SUCLG2: variants seen among roughly 807,000 people sequenced by gnomAD.
SUCLG2 encodes succinate--CoA ligase [GDP-forming] subunit beta, mitochondrial.
In SUCLG2, 42 loss-of-function variants were observed where a neutral mutation model predicts 47.9. The observed-to-expected ratio is 0.88, with a 90% CI of 0.69 to 1.14. SUCLG2 has a LOEUF of 1.14. Among genes scored for constraint, SUCLG2 ranks in the 50% most tolerant of loss-of-function variants. The pLI is 0.00. For synonymous variants in SUCLG2, 195 were observed against 197.3 expected (o/e 0.99, Z 0.10); for missense variants, 571 against 525.9 (o/e 1.09, Z -0.84).
At position 67,374,865 on chromosome 3, in the gene SUCLG2, T is replaced by C. The variant is rs1702005375; in HGVS notation, c.*879A>G. 1 of 985,260 alleles carries C rather than the reference T, an allele frequency of 1.0e-6. No individual in the cohort carries two copies. The highest frequency in any genetic ancestry group is 1.7e-5 in the African/African-American group (1 of 57,222). The allele number at this position is 985,260 out of a possible 1,614,324, so 61.0% of individuals were successfully genotyped here. Reference sequence around the variant, plus strand: ...CACATTCAAATAAGGTTCCCATCTTTCTACCATAAACTGGTAGATTCTGGG... The same window carrying C: ...CACATTCAAATAAGGTTCCCATCTTCCTACCATAAACTGGTAGATTCTGGG... On this transcript the variant is annotated 3_prime_UTR_variant, in exon 11 of 11. Coordinates refer to ENST00000307227, the MANE Select transcript of SUCLG2 (RefSeq NM_003848.4).
At chr3:67,374,179 T>C (rs748790075), downstream of SUCLG2, among the ~76,000 whole-genome samples, 14 of 152,186 alleles carry the variant, frequency 9.2e-5, 1 homozygote, top group Non-Finnish European at 1.6e-4. Context: ...TAAGAAGACA[T>C]TGTTAATATT....
At chr3:67,586,822 T>C (rs553040550) in intron 2 of SUCLG2, among the ~76,000 whole-genome samples, 60 of 152,166 alleles carry the variant, frequency 3.9e-4, no homozygotes, top group Non-Finnish European at 7.1e-4. Flanking sequence ...CAAGTAGTAA[T>C]TGACATGAAA....
chr3:67,475,098 CA>C (rs1351285211), intron 9 of SUCLG2, among the ~76,000 whole-genome samples: 17 of 151,948 alleles, frequency 1.1e-4, no homozygotes, highest in Admixed American at 1.1e-3. Flanking sequence ...ATTAGTGTCA[CA>C]TAAGTGAATG....
intron 1 of SUCLG2, among the ~76,000 whole-genome samples, chr3:67,624,921 C>T (rs1047119946): frequency 1.3e-5 from 2 of 152,184 alleles, no homozygotes; most frequent in Non-Finnish European, 2.9e-5. Context: ...ACAAAGACCT[C>T]AGAAAAGTAC....
intron 9 of SUCLG2, among the ~76,000 whole-genome samples, chr3:67,425,099 T>C: frequency 6.6e-6 from 1 of 152,188 alleles, no homozygotes; most frequent in East Asian, 1.9e-4. Context: ...TTAAATTCAA[T>C]GTCATATAAG....
intron 1 of SUCLG2, among the ~76,000 whole-genome samples, chr3:67,629,286 A>C (rs898131778): frequency 6.6e-6 from 1 of 152,228 alleles, no homozygotes; most frequent in Admixed American, 6.5e-5. Context: ...CCACAGGTTA[A>C]GGGCTCAGTC....
chr3:67,593,701 C>T (rs1030821849), intron 2 of SUCLG2, among the ~76,000 whole-genome samples: 1 of 152,196 alleles, frequency 6.6e-6, no homozygotes, highest in African/African-American at 2.4e-5. Context: ...TTGCCTTAGG[C>T]TTTCTCAGCT....
chr3:67,577,675 T>C (rs1310346852), intron 2 of SUCLG2, among the ~76,000 whole-genome samples: 1 of 152,176 alleles, frequency 6.6e-6, no homozygotes, highest in Non-Finnish European at 1.5e-5. Flanking sequence ...AGCCTCTGTC[T>C]TCCCTGGATC....
At chr3:67,366,363 A>C (rs1324597743) in intron 10 of SUCLG2, among the ~76,000 whole-genome samples, 2 of 152,214 alleles carry the variant, frequency 1.3e-5, no homozygotes, top group East Asian at 3.9e-4. Context: ...AACAAAACAA[A>C]AAAACCCCAG....
At chr3:67,626,059 G>A (rs1302213953) in intron 1 of SUCLG2, among the ~76,000 whole-genome samples, 6 of 149,834 alleles carry the variant, frequency 4.0e-5, no homozygotes, top group Admixed American at 1.3e-4. Context: ...TCGCTCTGTC[G>A]CCCAGGCTGG....
chr3:67,522,918 C>T (rs1333371393), intron 4 of SUCLG2, among the ~76,000 whole-genome samples: 1 of 151,776 alleles, frequency 6.6e-6, no homozygotes, highest in Non-Finnish European at 1.5e-5. Context: ...CCCGCCTCGG[C>T]CTCCCAAAGT....
Position 67,483,000 on chromosome 3 carries a change from G to T in SUCLG2, c.1062+12798C>A, listed in dbSNP as rs188103536. 1.9e-3 allele frequency among the ~76,000 whole-genome samples: 284 copies of T among 152,244 alleles called. 1 individual carries two copies. Among genetic ancestry groups the T allele is most frequent in the African/African-American group, 6.2e-3 (259 of 41,560 alleles). ...AATGAAAAAACCCACAGATAAGCTG[G>T]AAGAAAAATAATTAACTCGGATTTG... On this transcript the variant is annotated intron_variant, in intron 9 of 10. Coordinates refer to ENST00000307227, the MANE Select transcript of SUCLG2 (RefSeq NM_003848.4).
intron 10 of SUCLG2, among the ~76,000 whole-genome samples, chr3:67,389,238 G>A (rs776135446): frequency 7.9e-5 from 12 of 152,152 alleles, no homozygotes; most frequent in Non-Finnish European, 1.6e-4. Context: ...CCAGAAGAAT[G>A]ATGGCATAGT....
intron 2 of SUCLG2, among the ~76,000 whole-genome samples, chr3:67,593,044 G>T (rs983321688): frequency 6.6e-6 from 1 of 152,168 alleles, no homozygotes; most frequent in African/African-American, 2.4e-5. Context: ...CCATTCTTCT[G>T]ATACAATTTG....
chr3:67,428,140 C>T (rs1410007148), intron 9 of SUCLG2, among the ~76,000 whole-genome samples: 1 of 152,210 alleles, frequency 6.6e-6, no homozygotes, highest in Non-Finnish European at 1.5e-5. Flanking sequence ...GGACAGACTG[C>T]CTCCTCAAGT....
chr3:67,637,987 G>A (rs1287867883), intron 1 of SUCLG2, among the ~76,000 whole-genome samples: 1 of 152,148 alleles, frequency 6.6e-6, no homozygotes, highest in African/African-American at 2.4e-5. Context: ...TAGGTCCTAG[G>A]AAGTGCTGTT....
intron 1 of SUCLG2, among the ~76,000 whole-genome samples, chr3:67,623,991 T>C (rs1235077601): frequency 6.6e-6 from 1 of 152,190 alleles, no homozygotes. Context: ...AGTTAGCAAT[T>C]TGTTAGCCCT....
intron 2 of SUCLG2, among the ~76,000 whole-genome samples, chr3:67,576,924 A>ATT (rs34235132): frequency 1.7e-4 from 26 of 151,376 alleles, no homozygotes; most frequent in Admixed American, 5.3e-4. Context: ...TTTTTATTTT[A>ATT]TTTTTTTTTA....
At chr3:67,371,097 A>T (rs924675423), downstream of SUCLG2, among the ~76,000 whole-genome samples, 2 of 152,166 alleles carry the variant, frequency 1.3e-5, no homozygotes, top group Non-Finnish European at 2.9e-5. Flanking sequence ...TGTGTTAATG[A>T]CTACTACATC....
Sources: gnomAD v4.1 joint callset for allele counts (sites outside exome capture counted in the v4.1 genomes callset) on GRCh38, gnomAD v4.1.1 for gene constraint, MANE v1.5 for transcripts, NCBI Gene and HGNC (gene_info 2026-07-23, HGNC 2026-07-21) for gene names.